PRKD1: variants seen among roughly 807,000 people sequenced by gnomAD.
PRKD1 encodes serine/threonine-protein kinase D1.
PRKD1 carries 63 observed loss-of-function variants against 95.9 expected under a neutral mutation model. The observed-to-expected ratio is 0.66, with a 90% CI of 0.54 to 0.81. The LOEUF (loss-of-function observed/expected upper bound fraction) is 0.81, where lower values mean the gene tolerates loss of function less well. Among genes scored for constraint, PRKD1 ranks in the 30% least tolerant of loss-of-function variants. PRKD1 has a pLI of 0.00. For missense variants in PRKD1, 1,048 were observed against 1,165.3 expected, an observed-to-expected ratio of 0.90 and a Z score of 1.47; for synonymous variants, 425 against 423.1, an observed-to-expected ratio of 1.00 and a Z score of -0.05.
chr14:29,896,412 A>G (rs1314937181), intron 1 of PRKD1, among the ~76,000 whole-genome samples: 1 of 152,068 alleles, frequency 6.6e-6, no homozygotes, highest in South Asian at 2.1e-4. Context: ...AGCTTAAATG[A>G]AGGTTTATTT....
chr14:29,589,228 T>C (rs1893042458), intron 16 of PRKD1, among the ~76,000 whole-genome samples: 2 of 152,192 alleles, frequency 1.3e-5, no homozygotes, highest in African/African-American at 2.4e-5. Flanking sequence ...CGCTAACAAA[T>C]GCTTTCCAAT....
intron 1 of PRKD1, among the ~76,000 whole-genome samples, chr14:29,867,098 C>T (rs548209268): frequency 2.0e-4 from 30 of 152,236 alleles, no homozygotes; most frequent in African/African-American, 7.2e-4. Context: ...CTGCTCATTC[C>T]CACTATACCT....
intron 1 of PRKD1, chr14:29,812,062 A>AAACCCAAAGAG (rs1304697919): frequency 1.3e-5 from 2 of 152,198 alleles, no homozygotes; most frequent in African/African-American, 4.8e-5. Context: ...ACACACCCCC[A>AAACCCAAAGAG]AACCCAAAGA....
chr14:29,783,694 G>A (rs900896236), intron 1 of PRKD1, among the ~76,000 whole-genome samples: 1 of 152,000 alleles, frequency 6.6e-6, no homozygotes, highest in Non-Finnish European at 1.5e-5. Context: ...TAACTGGGAC[G>A]AGATATCTCA....
chr14:29,724,983 G>A (rs1252743419), intron 2 of PRKD1, among the ~76,000 whole-genome samples: 1 of 152,124 alleles, frequency 6.6e-6, no homozygotes, highest in Non-Finnish European at 1.5e-5. Flanking sequence ...TAAAAAATGT[G>A]AGCAGAGGCA....
chr14:29,822,741 G>GA (rs1221228494), intron 1 of PRKD1, among the ~76,000 whole-genome samples: 1 of 152,052 alleles, frequency 6.6e-6, no homozygotes. Flanking sequence ...TGCATATCTG[G>GA]AAACTATTCT....
intron 1 of PRKD1, among the ~76,000 whole-genome samples, chr14:29,837,322 G>A (rs1253577368): frequency 2.0e-5 from 3 of 152,130 alleles, no homozygotes; most frequent in East Asian, 3.9e-4. Context: ...GTACATGACT[G>A]ATGTGCCTTA....
At chr14:29,667,002 A>T (rs1882558649) in intron 2 of PRKD1, among the ~76,000 whole-genome samples, 1 of 152,208 alleles carries the variant, frequency 6.6e-6, no homozygotes. Context: ...ATTGTATTAT[A>T]AAAGTGGTTT....
rs147930033 is a variant in PRKD1, at chr14:29,811,152, T to C, written c.265-85478A>G. 4.0e-3 allele frequency among the ~76,000 whole-genome samples: 602 copies of C among 152,270 alleles called. 5 individuals are homozygous for C. Among genetic ancestry groups the C allele is most frequent in the African/African-American group, 0.013 (557 of 41,538 alleles). On this transcript the variant is annotated intron_variant, in intron 1 of 17. Coordinates refer to ENST00000331968, the MANE Select transcript of PRKD1 (RefSeq NM_002742.3). ...AGCAGAGGAAAAGTGCCATTAAAGG[T>C]ACTAAAATATCAAGTGTTTTCCTTT...
rs770116429 is a variant in PRKD1, at chr14:29,597,586, G to A, written c.2339C>T (p.Thr780Ile). Reference sequence around the variant, plus strand: ...GTCTTCATCTTCATTAAATGGGAATGTGCCGCTTAGGCTTACATAGATGAT... The same window carrying A: ...GTCTTCATCTTCATTAAATGGGAATATGCCGCTTAGGCTTACATAGATGAT... ...GVIIYVSLSGTFPFNEDEDIH... is the reference protein window; with the variant it reads ...GVIIYVSLSGIFPFNEDEDIH... The change falls in exon 16 of 18, where the codon ACA becomes ATA. Residue 780 changes from threonine to isoleucine, a missense_variant. Thr to Ile is a moderately conservative substitution (Grantham distance 89, BLOSUM62 -1). Transcript: ENST00000331968. The A allele has an allele frequency of 8.7e-6, 14 of 1,613,940 alleles. No homozygotes were observed. The highest frequency in any genetic ancestry group is 1.7e-5 in the Admixed American group (1 of 59,980).
Position 29,684,580 on chromosome 14 carries a change from A to C in PRKD1, c.404-18372T>G, listed in dbSNP as rs117665987. On this transcript the variant is annotated intron_variant, in intron 2 of 17. Coordinates refer to ENST00000331968, the MANE Select transcript of PRKD1 (RefSeq NM_002742.3). ...GGAAATATTTGTTTTGAATCAACTC[A>C]TGTCTTCAGATTCTAAATGAAATCA... 4.3e-3 allele frequency among the ~76,000 whole-genome samples: 659 copies of C among 152,292 alleles called. 4 individuals are homozygous for C. Among genetic ancestry groups the C allele is most frequent in the Non-Finnish European group, 7.7e-3 (523 of 68,014 alleles).
chr14:29,865,525 TATAAAA>T (rs996120025), intron 1 of PRKD1, among the ~76,000 whole-genome samples: 20 of 152,286 alleles, frequency 1.3e-4, no homozygotes, highest in African/African-American at 4.3e-4. Flanking sequence ...AGTGGCTTGT[TATAAAA>T]AGCAAGTTTG....
intron 1 of PRKD1, among the ~76,000 whole-genome samples, chr14:29,866,335 C>T (rs775280578): frequency 4.6e-5 from 7 of 152,162 alleles, no homozygotes; most frequent in African/African-American, 9.7e-5. Flanking sequence ...TAATTGGCTA[C>T]GTATTAGCAT....
At chr14:29,746,098 A>G (rs952875531) in intron 1 of PRKD1, among the ~76,000 whole-genome samples, 3 of 152,046 alleles carry the variant, frequency 2.0e-5, no homozygotes, top group African/African-American at 7.2e-5. Flanking sequence ...ACTTTGGGAG[A>G]CTACTCACAC....
intron 16 of PRKD1, among the ~76,000 whole-genome samples, chr14:29,583,687 T>C (rs112727404): frequency 1.4e-3 from 212 of 152,272 alleles, no homozygotes; most frequent in Middle Eastern, 3.4e-3. Context: ...GGAAGTCTTT[T>C]TTTTCTCTTC....
chr14:29,885,755 T>C (rs1237517263), intron 1 of PRKD1, among the ~76,000 whole-genome samples: 1 of 142,574 alleles, frequency 7.0e-6, no homozygotes, highest in East Asian at 2.1e-4. Flanking sequence ...TCACTTCAGG[T>C]CAGGAGTTTG....
intron 1 of PRKD1, among the ~76,000 whole-genome samples, chr14:29,906,461 C>A (rs1291527286): frequency 1.3e-5 from 2 of 151,880 alleles, no homozygotes; most frequent in African/African-American, 4.8e-5. Flanking sequence ...TCGCTTGAGC[C>A]CAGGAGGTCA....
intron 1 of PRKD1, among the ~76,000 whole-genome samples, chr14:29,871,729 A>G (rs1398571372): frequency 1.3e-5 from 2 of 152,176 alleles, no homozygotes; most frequent in Non-Finnish European, 2.9e-5. Context: ...GGGTATGAGT[A>G]TGATGGTAAG....
At chr14:29,790,820 T>A (rs1889510843) in intron 1 of PRKD1, among the ~76,000 whole-genome samples, 1 of 152,150 alleles carries the variant, frequency 6.6e-6, no homozygotes, top group Non-Finnish European at 1.5e-5. Context: ...AAGTTAGTCT[T>A]GCATTTTAAA....
Sources: gnomAD v4.1 joint callset for allele counts (sites outside exome capture counted in the v4.1 genomes callset) on GRCh38, gnomAD v4.1.1 for gene constraint, MANE v1.5 for transcripts, NCBI Gene and HGNC (gene_info 2026-07-23, HGNC 2026-07-21) for gene names.